Variants in FBXW7 observed in about 807,000 individuals in gnomAD.
FBXW7 encodes F-box/WD repeat-containing protein 7.
In FBXW7, 11 loss-of-function variants were observed where a neutral mutation model predicts 86.3. The observed-to-expected ratio is 0.13, with a 90% CI of 0.08 to 0.21. FBXW7 has a LOEUF of 0.21. Among genes scored for constraint, FBXW7 ranks in the 10% least tolerant of loss-of-function variants. The probability of loss-of-function intolerance (pLI) is 1.00; values close to 1 mark genes in which losing one functional copy is unlikely to be tolerated. For synonymous variants in FBXW7, 313 were observed against 297.9 expected (o/e 1.05, Z -0.52); for missense variants, 488 against 847.4 (o/e 0.58, Z 5.27).
intron 4 of FBXW7, among the ~76,000 whole-genome samples, chr4:152,377,550 G>A (rs962851588): frequency 5.3e-5 from 8 of 150,292 alleles, no homozygotes; most frequent in African/African-American, 2.0e-4. Flanking sequence ...TCAGGAGTTC[G>A]AGACCAGCCT....
chr4:152,416,171 C>A (rs867225508), intron 2 of FBXW7, among the ~76,000 whole-genome samples: 4 of 152,086 alleles, frequency 2.6e-5, no homozygotes, highest in Admixed American at 6.6e-5. Flanking sequence ...ATAAGGCACT[C>A]AAAACATTTA....
chr4:152,486,399 T>C (rs77260957), intron 2 of FBXW7, among the ~76,000 whole-genome samples: 2,088 of 152,330 alleles, frequency 0.014, 26 homozygotes, highest in Middle Eastern at 0.037. Context: ...AACTAACATA[T>C]TGTACAGCTG....
chr4:152,340,170 T>G (rs796500897), intron 6 of FBXW7, among the ~76,000 whole-genome samples: 4 of 152,282 alleles, frequency 2.6e-5, no homozygotes, highest in African/African-American at 7.2e-5. Flanking sequence ...AAACAATGTA[T>G]TTTTATTTTG....
chr4:152,327,660 T>C (rs1729172708), intron 11 of FBXW7, among the ~76,000 whole-genome samples: 1 of 151,974 alleles, frequency 6.6e-6, no homozygotes. Flanking sequence ...AACTGGGCAG[T>C]GACACTATCA....
chr4:152,470,492 CTA>C (rs2149650270), intron 2 of FBXW7, among the ~76,000 whole-genome samples: 1 of 152,132 alleles, frequency 6.6e-6, no homozygotes, highest in Non-Finnish European at 1.5e-5. Context: ...AGTATTCATT[CTA>C]TGTTTATTAA....
chr4:152,473,815 G>A (rs938369128), intron 2 of FBXW7, among the ~76,000 whole-genome samples: 2 of 152,054 alleles, frequency 1.3e-5, no homozygotes, highest in South Asian at 4.1e-4. Context: ...AGAATAACTT[G>A]AGACTTACAG....
chr4:152,492,147 C>T (rs1009309704), intron 2 of FBXW7, among the ~76,000 whole-genome samples: 2 of 152,134 alleles, frequency 1.3e-5, no homozygotes, highest in African/African-American at 4.8e-5. Flanking sequence ...TGGAATAATA[C>T]AGTATCATGT....
At chr4:152,422,545 G>A (rs1739036950) in intron 2 of FBXW7, among the ~76,000 whole-genome samples, 1 of 152,184 alleles carries the variant, frequency 6.6e-6, no homozygotes, top group Admixed American at 6.5e-5. Context: ...GACTATTACT[G>A]ATGAAGCTCT....
intron 2 of FBXW7, among the ~76,000 whole-genome samples, chr4:152,514,649 TA>T (rs1256811193): frequency 2.0e-5 from 3 of 152,100 alleles, no homozygotes; most frequent in African/African-American, 7.2e-5. Flanking sequence ...TGAGAACTGA[TA>T]AAAAGAGCTT....
intron 4 of FBXW7, among the ~76,000 whole-genome samples, chr4:152,410,080 T>A (rs1306371231): frequency 8.5e-5 from 13 of 152,208 alleles, no homozygotes; most frequent in Admixed American, 6.5e-5. Flanking sequence ...ACTAGCTTTT[T>A]TTGCTTTTAA....
intron 2 of FBXW7, among the ~76,000 whole-genome samples, chr4:152,418,345 T>C (rs1225410298): frequency 1.3e-5 from 2 of 152,220 alleles, no homozygotes; most frequent in African/African-American, 4.8e-5. Flanking sequence ...GTTTTCTTTA[T>C]TTCAAAGGAC....
At chr4:152,482,238 T>C (rs557216971) in intron 2 of FBXW7, among the ~76,000 whole-genome samples, 200 of 152,322 alleles carry the variant, frequency 1.3e-3, no homozygotes, top group Middle Eastern at 0.01. Flanking sequence ...TTATTAGCAA[T>C]TTTTAGCAAT....
At chr4:152,401,156 T>C (rs1208934853) in intron 4 of FBXW7, among the ~76,000 whole-genome samples, 5 of 152,216 alleles carry the variant, frequency 3.3e-5, no homozygotes, top group Admixed American at 2.0e-4. Flanking sequence ...TTAATCATAC[T>C]GTTAACTTGC....
intron 2 of FBXW7, among the ~76,000 whole-genome samples, chr4:152,426,407 T>C (rs1434852075): frequency 6.6e-6 from 1 of 151,480 alleles, no homozygotes; most frequent in Non-Finnish European, 1.5e-5. Context: ...TGGAGTGCAG[T>C]GGCACAATCT....
At chr4:152,480,373 C>G (rs1455552403) in intron 2 of FBXW7, among the ~76,000 whole-genome samples, 1 of 152,102 alleles carries the variant, frequency 6.6e-6, no homozygotes, top group African/African-American at 2.4e-5. Context: ...CTGCTCCAAC[C>G]ACCAGCCAAT....
At position 152,494,488 on chromosome 4, in the gene FBXW7, T is replaced by C. The variant is rs1482692876; in HGVS notation, c.-120+40453A>G. Among the ~76,000 whole-genome samples, 8 of 152,190 alleles carry C rather than the reference T, an allele frequency of 5.3e-5. No individual in the cohort carries two copies. The East Asian group carries it at 1.5e-3, about 29-fold the overall frequency. On this transcript the variant is annotated intron_variant, in intron 2 of 13. Coordinates refer to ENST00000281708, the MANE Select transcript of FBXW7 (RefSeq NM_001349798.2). ...AATTTATAATTTTTTTTAAATGTCC[T>C]TTGAGGTAACTTTTTACTGCAGCAT...
At chr4:152,532,757 T>C (rs1389394884) in intron 2 of FBXW7, among the ~76,000 whole-genome samples, 1 of 152,206 alleles carries the variant, frequency 6.6e-6, no homozygotes, top group Non-Finnish European at 1.5e-5. Flanking sequence ...TAGATAAATA[T>C]TGGTCTATCC....
chr4:152,366,686 G>A (rs914077091), intron 4 of FBXW7, among the ~76,000 whole-genome samples: 1 of 152,070 alleles, frequency 6.6e-6, no homozygotes, highest in Non-Finnish European at 1.5e-5. Context: ...ACTGTTGGTG[G>A]GACTATAAAC....
At chr4:152,416,364 C>T (rs1191619422) in intron 2 of FBXW7, among the ~76,000 whole-genome samples, 2 of 152,046 alleles carry the variant, frequency 1.3e-5, no homozygotes, top group Non-Finnish European at 2.9e-5. Flanking sequence ...GACATATATC[C>T]TAATATCTTA....
Sources: gnomAD v4.1 joint callset for allele counts (sites outside exome capture counted in the v4.1 genomes callset) on GRCh38, gnomAD v4.1.1 for gene constraint, MANE v1.5 for transcripts, NCBI Gene and HGNC (gene_info 2026-07-23, HGNC 2026-07-21) for gene names.